Variants in DSC2 observed in about 807,000 individuals in gnomAD.
DSC2 encodes the protein desmocollin-2.
In DSC2, 51 loss-of-function variants were observed where a neutral mutation model predicts 87.6. The observed-to-expected ratio is 0.58, with a 90% confidence interval of 0.46 to 0.74. The LOEUF is 0.74. Ranked by LOEUF, DSC2 falls within the 30% of genes least tolerant of loss-of-function variation. The pLI, the probability that DSC2 is intolerant of heterozygous loss-of-function variation, is 0.00. For missense variants in DSC2, 1,066 were observed against 1,089.5 expected (o/e 0.98, Z 0.30); for synonymous variants, 383 against 393.2 (o/e 0.97, Z 0.31).
At chr18:31,101,243 C>T (rs1987937259) in intron 1 of DSC2, 1 of 985,216 alleles carries the variant, frequency 1.0e-6, no homozygotes, top group Non-Finnish European at 1.2e-6. Flanking sequence ...GGTCGACAGT[C>T]CTCAGGAGCA....
At position 31,067,229 on chromosome 18, in the gene DSC2, T is replaced by C. The variant is rs1332116374; in HGVS notation, c.*786A>G. 1 of 147,594 alleles carries C rather than the reference T, an allele frequency of 6.8e-6. No homozygotes were observed. Among genetic ancestry groups the C allele is most frequent in the Non-Finnish European group, 1.5e-5 (1 of 67,546 alleles). The allele number at this position is 147,594 out of a possible 1,614,324, so 9.1% of individuals were successfully genotyped here. On this transcript the variant is annotated 3_prime_UTR_variant, in exon 16 of 16. Transcript: ENST00000280904. ...GAGACAGATTTTTAAAATATTTGGA[T>C]TCTTTAGCCCATATGGAAATTAAAA...
chr18:31,101,891 G>T lies in DSC2; in HGVS notation c.69+12C>A, dbSNP rs1326854054. The T allele has an allele frequency of 6.5e-7, 1 of 1,531,380 alleles. No homozygotes were observed. The highest frequency in any genetic ancestry group is 2.0e-5 in the Admixed American group (1 of 50,430). 94.9% of individuals were successfully genotyped at this position (1,531,380 alleles called of 1,614,324 possible). A position where few individuals can be genotyped will look rare whatever the true frequency, so the allele number is the denominator to read the frequency against. On this transcript the variant is annotated intron_variant, in intron 1 of 15. Coordinates refer to ENST00000280904, the MANE Select transcript of DSC2 (RefSeq NM_024422.6). The stretch of plus-strand genomic sequence containing the variant: ...CCCCCTTCCCCGGAGCGGTGGCCGC[G>T]GCTACACTCACCGCGAGGGTCAGCA...
Position 31,059,857 on chromosome 18 carries a change from T to C in DSC2, c.*8158A>G, listed in dbSNP as rs907440950. The C allele has an allele frequency of 3.3e-5, 5 of 152,236 alleles. No individual in the cohort carries two copies. Among genetic ancestry groups the C allele is most frequent in the African/African-American group, 1.2e-4 (5 of 41,474 alleles). 9.4% of individuals were successfully genotyped at this position (152,236 alleles called of 1,614,324 possible). On this transcript the variant is annotated 3_prime_UTR_variant, in exon 16 of 16. Coordinates refer to ENST00000280904, the MANE Select transcript of DSC2 (RefSeq NM_024422.6). Reference sequence around the variant, plus strand: ...ATGATTGCATGATATTCCATCATCATATCACAATAGTGATAGCTGCTGGTT... The same window carrying C: ...ATGATTGCATGATATTCCATCATCACATCACAATAGTGATAGCTGCTGGTT...
rs397517400 is a variant in DSC2 at position 31,091,023 on chromosome 18, G to A, written c.474+5C>T. The A allele has an allele frequency of 3.0e-5, 48 of 1,613,740 alleles. No homozygotes were observed. Among genetic ancestry groups the A allele is most frequent in the South Asian group, 1.4e-4 (13 of 91,078 alleles). On this transcript the variant is annotated splice_donor_5th_base_variant and intron_variant, in intron 4 of 15. Transcript: ENST00000280904. ...CTCCCACAGCAGAAAGAAAGAAAAC[G>A]GTACCTGTTGAAGGAAAAGTGGAAA...
rs569855753 is a variant in DSC2 at position 31,073,725 on chromosome 18, T to G, written c.1888+958A>C. ...CAGTGTGAGCAGGAGATGGGGAACA[T>G]GCTGAAGAGTTACGCGCCAACTAGG... On this transcript the variant is annotated intron_variant, in intron 12 of 15. Transcript: ENST00000280904. Among the ~76,000 whole-genome samples the G allele has an allele frequency of 2.0e-5, 3 of 152,274 alleles. No individual in the cohort carries two copies. The South Asian group carries it at 6.2e-4, about 32-fold the overall frequency.
chr18:31,089,396 A>T (rs773899131), intron 5 of DSC2, 43 bp downstream of exon 5: 2 of 1,611,130 alleles, frequency 1.2e-6, no homozygotes, highest in Admixed American at 3.3e-5. Flanking sequence ...AAAATGGCCA[A>T]GCATCATCAT....
chr18:31,086,612 G>T lies in DSC2; in HGVS notation c.906C>A (p.Gly302=). The T allele has an allele frequency of 6.2e-7, 1 of 1,614,042 alleles. No individual in the cohort carries two copies. Among genetic ancestry groups the T allele is most frequent in the Non-Finnish European group, 8.5e-7 (1 of 1,179,990 alleles). The change falls in exon 7 of 16, where the codon GGC becomes GGA. Residue 302 remains glycine (G), a synonymous_variant. Coordinates refer to ENST00000280904, the MANE Select transcript of DSC2 (RefSeq NM_024422.6). ...PTLFSMHPTT[G]VITTTSSQLD... Reference sequence around the variant, plus strand: ...GCTGAGATGATGTTGTGGTGATCACGCCTGTAGTTGGATGCATAGAAAATA... The same window carrying T: ...GCTGAGATGATGTTGTGGTGATCACTCCTGTAGTTGGATGCATAGAAAATA...
chr18:31,073,030 A>C (rs1986884037), intron 12 of DSC2, among the ~76,000 whole-genome samples: 1 of 152,214 alleles, frequency 6.6e-6, no homozygotes, highest in Non-Finnish European at 1.5e-5. Context: ...GATTTACTTA[A>C]CTAACAAACA....
intron 14 of DSC2, 83 bp from the exon 15 acceptor site, chr18:31,069,234 C>T (rs1986745788): frequency 3.8e-6 from 6 of 1,559,926 alleles, no homozygotes; most frequent in Non-Finnish European, 4.4e-6. Flanking sequence ...GCGGATAATG[C>T]CTTTTTTTGT....
Position 31,061,331 on chromosome 18 carries a change from A to T in DSC2, c.*6684T>A, listed in dbSNP as rs922583456. 2.0e-5 allele frequency: 3 copies of T among 152,246 alleles called. No homozygotes were observed. The highest frequency in any genetic ancestry group is 1.5e-5 in the Non-Finnish European group (1 of 68,042). 9.4% of individuals were successfully genotyped at this position (152,246 alleles called of 1,614,324 possible). A position where few individuals can be genotyped will look rare whatever the true frequency, so the allele number is the denominator to read the frequency against. ...AGAAACTCCACAATTCTAACCTCTC[A>T]GCTATGCCCAGATTTTCTGTAGGGA... is the stretch of plus-strand genomic sequence containing the variant. On this transcript the variant is annotated 3_prime_UTR_variant, in exon 16 of 16. Coordinates refer to ENST00000280904, the MANE Select transcript of DSC2 (RefSeq NM_024422.6).
rs868333 is a variant in DSC2 at position 31,101,940 on chromosome 18, T to C, written c.32A>G (p.Asn11Ser). 22,645 of 1,529,004 alleles carry C rather than the reference T, an allele frequency of 0.015. 2,690 individuals are homozygous for C. The African/African-American group carries it at 0.27, about 18-fold the overall frequency. 94.7% of individuals were successfully genotyped at this position (1,529,004 alleles called of 1,614,324 possible). The change falls in exon 1 of 16, where the codon AAC becomes AGC. Residue 11 changes from asparagine to serine, a missense_variant. By Grantham distance (46) the Asn-to-Ser change is conservative. Transcript: ENST00000280904. ...CAGGAGCAGCCGGCAGAGGGCTCCG[T>C]TCCAGGAGCCGGAGGGGCGGGCTGC... Reference protein sequence around the residue: MEAARPSGSWNGALCRLLLLT... With the variant: MEAARPSGSWSGALCRLLLLT...
chr18:31,082,296 C>T lies in DSC2; in HGVS notation c.1205G>A (p.Gly402Asp). 6.2e-7 allele frequency: 1 copy of T among 1,613,690 alleles called. No individual in the cohort carries two copies. Among genetic ancestry groups the T allele is most frequent in the African/African-American group, 1.3e-5 (1 of 74,996 alleles). ...GGCATCTGTTACAATTTTAAAATTG[C>T]CATTTTCATTGCCCTTTAAAATGGT... ...NYTILKGNENGNFKIVTDAKT... is the reference protein window; with the variant it reads ...NYTILKGNENDNFKIVTDAKT... The change falls in exon 9 of 16, where the codon GGC becomes GAC. Residue 402 changes from glycine (G) to aspartate (D), a missense_variant. Transcript: ENST00000280904.
In DSC2 at chr18:31,087,830, A is replaced by G; in HGVS notation, c.631-17T>C. On this transcript the variant is annotated splice_polypyrimidine_tract_variant and intron_variant, in intron 5 of 15. Coordinates refer to ENST00000280904, the MANE Select transcript of DSC2 (RefSeq NM_024422.6). ...GGCAATTATCTGTGAAGAGAGTAAAATAAGGAGAAAAGTGAAAATAATCTT... is the reference window on the plus strand; with the variant it reads ...GGCAATTATCTGTGAAGAGAGTAAAGTAAGGAGAAAAGTGAAAATAATCTT... The G allele has an allele frequency of 6.2e-7, 1 of 1,613,092 alleles. No homozygotes were observed. The highest frequency in any genetic ancestry group is 8.5e-7 in the Non-Finnish European group (1 of 1,179,426).
chr18:31,089,222 A>T (rs1302805236), intron 5 of DSC2, among the ~76,000 whole-genome samples: 1 of 152,012 alleles, frequency 6.6e-6, no homozygotes, highest in Non-Finnish European at 1.5e-5. Context: ...GGAAAAAAAA[A>T]TAGTAAAACC....
In DSC2 at chr18:31,065,323, G is replaced by A. The variant is rs1017797213; in HGVS notation, c.*2692C>T. 4.6e-5 allele frequency: 7 copies of A among 152,276 alleles called. No individual in the cohort carries two copies. The highest frequency in any genetic ancestry group is 1.7e-4 in the African/African-American group (7 of 41,544). 9.4% of individuals were successfully genotyped at this position (152,276 alleles called of 1,614,324 possible). A position where few individuals can be genotyped will look rare whatever the true frequency, so the allele number is the denominator to read the frequency against. On this transcript the variant is annotated 3_prime_UTR_variant, in exon 16 of 16. Transcript: ENST00000280904. Reference sequence around the variant, plus strand: ...TGAAGCTAAATTGTTCCCAACTCAGGCGTTCTCTGCTCATAGAACAATAGC... The same window carrying A: ...TGAAGCTAAATTGTTCCCAACTCAGACGTTCTCTGCTCATAGAACAATAGC...
chr18:31,094,684 T>A (rs954532435), intron 1 of DSC2, among the ~76,000 whole-genome samples: 1 of 152,336 alleles, frequency 6.6e-6, no homozygotes, highest in Admixed American at 6.5e-5. Context: ...GAAATGTTTA[T>A]TTTTAATATA....
intron 9 of DSC2, 111 bp from the exon 10 acceptor site, chr18:31,080,463 T>C: frequency 7.8e-7 from 1 of 1,278,144 alleles, no homozygotes; most frequent in Admixed American, 2.1e-5. Flanking sequence ...ATGTTGGGAA[T>C]AACCACGAGA....
Position 31,063,596 on chromosome 18 carries a change from T to C in DSC2, c.*4419A>G, listed in dbSNP as rs958144541. The stretch of plus-strand genomic sequence containing the variant: ...GAACTAATCATGAGCAAGGCACAAA[T>C]TGAAAAATGAAGGATACAAGGAGAT... On this transcript the variant is annotated 3_prime_UTR_variant, in exon 16 of 16. Transcript: ENST00000280904. 3 of 151,996 alleles carry C rather than the reference T, an allele frequency of 2.0e-5. No individual in the cohort carries two copies. 9.4% of individuals were successfully genotyped at this position (151,996 alleles called of 1,614,324 possible).
In DSC2 at chr18:31,069,138, C is replaced by A. The variant is rs367990772; in HGVS notation, c.2264G>T (p.Gly755Val). ...AGCGCCCACAGTTTGGGTTGTGAAG[C>A]CATTCGCAGAATACTGAAATGAAAA... ...PGDDKVYSAN[G>V]FTTQTVGASA... is the part of the protein sequence containing the mutation. The change falls in exon 15 of 16, where the codon GGC becomes GTC. Residue 755 changes from glycine to valine, a missense_variant. Gly to Val is a moderately radical substitution (Grantham distance 109). Coordinates refer to ENST00000280904, the MANE Select transcript of DSC2 (RefSeq NM_024422.6). 56 of 1,614,072 alleles carry A rather than the reference C, an allele frequency of 3.5e-5. No homozygotes were observed. In the African/African-American group the frequency reaches 6.4e-4, roughly 18 times the overall value.
Sources: allele counts gnomAD v4.1 joint callset (sites outside exome capture counted in the v4.1 genomes callset), GRCh38; gene constraint gnomAD v4.1.1; transcripts MANE v1.5; gene names NCBI Gene and HGNC (gene_info 2026-07-23, HGNC 2026-07-21).